The following WDR33 variants were observed in gnomAD, a reference collection of about 807,000 sequenced individuals.
WDR33 encodes WD repeat domain 33.
A neutral mutation model predicts 164.9 loss-of-function variants in WDR33; 47 were observed. The observed-to-expected ratio is 0.29, with a 90% CI of 0.23 to 0.36. WDR33 has a LOEUF of 0.36. WDR33 is among the 10% of genes least tolerant of loss of function. The pLI, the probability that WDR33 is intolerant of heterozygous loss-of-function variation, is 1.00. For synonymous variants in WDR33, 505 were observed against 589.0 expected (o/e 0.86, Z 2.06); for missense variants, 1,137 against 1,754.1 (o/e 0.65, Z 6.28).
rs1379773130 is a variant in WDR33 at position 127,712,494 on chromosome 2, C to T, written c.3308+1089G>A. On this transcript the variant is annotated intron_variant, in intron 18 of 21. Coordinates refer to ENST00000322313, the MANE Select transcript of WDR33 (RefSeq NM_018383.5). The surrounding 1 kb of genome is among the most constrained non-coding windows in gnomAD (Gnocchi z 4.0). ...AAGCTGAAGTGCTGAACAGCATGGG[C>T]CTGAAGCCCAGCTCTGACACCTACC... Among the ~76,000 whole-genome samples, 1 of 152,140 alleles carries T rather than the reference C, an allele frequency of 6.6e-6. No homozygotes were observed. The highest frequency in any genetic ancestry group is 1.5e-5 in the Non-Finnish European group (1 of 68,024).
chr2:127,788,257 C>CA (rs1418035015), intron 1 of WDR33, among the ~76,000 whole-genome samples: 1 of 135,834 alleles, frequency 7.4e-6, no homozygotes, highest in African/African-American at 2.9e-5. Context: ...TGACCCCCCC[C>CA]ACCTCCCTCC....
intron 1 of WDR33, among the ~76,000 whole-genome samples, chr2:127,787,427 G>C (rs935161732): frequency 1.5e-5 from 2 of 130,124 alleles, no homozygotes; most frequent in Non-Finnish European, 3.2e-5. Context: ...CTTCCCAGTA[G>C]GGGTGGCCGG....
At chr2:127,728,153 G>A (rs1007882587) in intron 7 of WDR33, among the ~76,000 whole-genome samples, 8 of 152,168 alleles carry the variant, frequency 5.3e-5, no homozygotes, top group Non-Finnish European at 8.8e-5. Context: ...GGATTTATCT[G>A]CAAGGACATT....
chr2:127,731,185 C>T (rs1686696026), intron 7 of WDR33, among the ~76,000 whole-genome samples: 1 of 150,670 alleles, frequency 6.6e-6, no homozygotes, highest in Non-Finnish European at 1.5e-5. Context: ...GTCCCAGTTG[C>T]TCAGGAGGCA....
At position 127,714,395 on chromosome 2, in the gene WDR33, A is replaced by C. The variant is rs1198205474; in HGVS notation, c.2870-374T>G. ...AGGGCCACCTGCTCCACATCCAAGGAGGACACAACAGAGGAAATTAATGCT... is the reference window on the plus strand; with the variant it reads ...AGGGCCACCTGCTCCACATCCAAGGCGGACACAACAGAGGAAATTAATGCT... On this transcript the variant is annotated intron_variant, in intron 17 of 21. Transcript: ENST00000322313. This position sits in a 1 kb window ranked among gnomAD's most constrained non-coding sequence, Gnocchi z 4.3. Among the ~76,000 whole-genome samples, 2 of 152,234 alleles carry C rather than the reference A, an allele frequency of 1.3e-5. No homozygotes were observed. The highest frequency in any genetic ancestry group is 1.3e-4 in the Admixed American group (2 of 15,290).
At chr2:127,752,285 T>C (rs1409721728) in intron 7 of WDR33, among the ~76,000 whole-genome samples, 1 of 152,164 alleles carries the variant, frequency 6.6e-6, no homozygotes, top group Non-Finnish European at 1.5e-5. Flanking sequence ...CTAAATGCTG[T>C]CCTGATGAAA....
chr2:127,778,270 C>A (rs1341503647), intron 1 of WDR33, among the ~76,000 whole-genome samples: 1 of 151,898 alleles, frequency 6.6e-6, no homozygotes, highest in African/African-American at 2.4e-5. Flanking sequence ...AACCCCATCT[C>A]TACTAAAAAT....
At chr2:127,740,033 A>G (rs930351054) in intron 7 of WDR33, among the ~76,000 whole-genome samples, 4 of 152,210 alleles carry the variant, frequency 2.6e-5, no homozygotes, top group Admixed American at 1.3e-4. Context: ...TATGTTGATT[A>G]TGTTTTTTTT....
At position 127,704,402 on chromosome 2, in the gene WDR33, T is replaced by A. The variant is rs895840070; in HGVS notation, c.*1921A>T. On this transcript the variant is annotated 3_prime_UTR_variant, in exon 22 of 22. Transcript: ENST00000322313. ...TAAAGCCCAAAATAATGAAAATTTT[T>A]CCACTAGAATCTCAGGGAAAAAAAG... The A allele has an allele frequency of 6.0e-6, 1 of 167,014 alleles. No individual in the cohort carries two copies. The highest frequency in any genetic ancestry group is 1.5e-5 in the Non-Finnish European group (1 of 68,100). The allele number at this position is 167,014 out of a possible 1,614,324, so 10.3% of individuals were successfully genotyped here.
At position 127,763,569 on chromosome 2, in the gene WDR33, C is replaced by CT. The variant is rs1687740696; in HGVS notation, c.627-411dup. The CT allele has an allele frequency of 9.9e-7, 1 of 1,007,436 alleles. No homozygotes were observed. The highest frequency in any genetic ancestry group is 9.9e-5 in the East Asian group (1 of 10,076). The allele number at this position is 1,007,436 out of a possible 1,614,324, so 62.4% of individuals were successfully genotyped here. On this transcript the variant is annotated intron_variant, in intron 6 of 21. Transcript: ENST00000322313. This position sits in a 1 kb window ranked among gnomAD's most constrained non-coding sequence, Gnocchi z 4.5. ...TCCCAAAATTATCATCAGCTTCTGC[C>CT]TCAGACACTTCATGAAATAAGCTGA...
chr2:127,708,794 C>A lies in WDR33; in HGVS notation c.3664G>T (p.Gly1222Cys), dbSNP rs371332180. ...GGAGGTAGGGATGCCATGTCCATGCCTTGGAGAGAAGAGGAGCGTTCTCTG... is the reference window on the plus strand; with the variant it reads ...GGAGGTAGGGATGCCATGTCCATGCATTGGAGAGAAGAGGAGCGTTCTCTG... ...ASRERSSSLQGMDMASLPPRK... is the reference protein window; with the variant it reads ...ASRERSSSLQCMDMASLPPRK... The change falls in exon 21 of 22, where the codon GGC (glycine) becomes TGC (cysteine). Residue 1222 changes from glycine (G) to cysteine (C), a missense_variant. Coordinates refer to ENST00000322313, the MANE Select transcript of WDR33 (RefSeq NM_018383.5). This position sits in a 1 kb window ranked among gnomAD's most constrained non-coding sequence, Gnocchi z 6.7. 5 of 1,613,718 alleles carry A rather than the reference C, an allele frequency of 3.1e-6. No homozygotes were observed. In the African/African-American group the frequency reaches 6.7e-5, roughly 22 times the overall value.
Position 127,738,160 on chromosome 2 carries a change from T to C in WDR33, c.725-11383A>G. The C allele has an allele frequency of 1.0e-6, 1 of 989,182 alleles. No homozygotes were observed. Among genetic ancestry groups the C allele is most frequent in the Non-Finnish European group, 1.4e-6 (1 of 716,174 alleles). The allele number at this position is 989,182 out of a possible 1,614,324, so 61.3% of individuals were successfully genotyped here. ...AATTTCCAGATATGACTGAGATTTT[T>C]TTCTATTAATGAGTAATCTGAGATA... On this transcript the variant is annotated intron_variant, in intron 7 of 21. Transcript: ENST00000322313. This position sits in a 1 kb window ranked among gnomAD's most constrained non-coding sequence, Gnocchi z 4.4.
At chr2:127,752,547 G>T (rs112219799) in intron 7 of WDR33, among the ~76,000 whole-genome samples, 1 of 142,544 alleles carries the variant, frequency 7.0e-6, no homozygotes, top group Non-Finnish European at 1.5e-5. Flanking sequence ...CCGAGATTGC[G>T]CCACTGCAGT....
intron 1 of WDR33, among the ~76,000 whole-genome samples, chr2:127,795,476 G>A (rs1689007183): frequency 6.6e-6 from 1 of 151,790 alleles, no homozygotes; most frequent in Admixed American, 6.6e-5. Context: ...ACACCTGTCA[G>A]GCAGGCAGAA....
chr2:127,769,036 A>AATAAATAC (rs1553477303), intron 2 of WDR33, 35 bp from the exon 3 acceptor site: 4 of 1,126,464 alleles, frequency 3.6e-6, no homozygotes, highest in Non-Finnish European at 4.7e-6. Flanking sequence ...TAAATAAATA[A>AATAAATAC]ATAGATCAAT....
At chr2:127,775,134 TTC>T (rs920232402) in intron 1 of WDR33, among the ~76,000 whole-genome samples, 18 of 152,278 alleles carry the variant, frequency 1.2e-4, no homozygotes, top group South Asian at 4.1e-4. Context: ...CAACAGTGAA[TTC>T]TCTGTTATGC....
chr2:127,782,931 G>A (rs1265213081), intron 1 of WDR33, among the ~76,000 whole-genome samples: 3 of 152,076 alleles, frequency 2.0e-5, no homozygotes, highest in Non-Finnish European at 4.4e-5. Context: ...ATGGCAGGAA[G>A]CCGGCAGACA....
intron 21 of WDR33, among the ~76,000 whole-genome samples, chr2:127,707,951 C>T (rs1172832406): frequency 6.6e-6 from 1 of 152,088 alleles, no homozygotes; most frequent in Non-Finnish European, 1.5e-5. Context: ...AGAAAAAAAC[C>T]CAAAAAGACC....
chr2:127,790,075 G>A (rs1029140429), intron 1 of WDR33, among the ~76,000 whole-genome samples: 16 of 152,088 alleles, frequency 1.1e-4, no homozygotes, highest in Non-Finnish European at 1.9e-4. Flanking sequence ...AGGCTCAAGA[G>A]ATACTCCTGC....
Sources: gnomAD v4.1 joint callset for allele counts (sites outside exome capture counted in the v4.1 genomes callset) on GRCh38, gnomAD v4.1.1 for gene constraint, Gnocchi (gnomAD v3.1) non-coding constraint, MANE v1.5 for transcripts, NCBI Gene and HGNC (gene_info 2026-07-23, HGNC 2026-07-21) for gene names.